The following CDC37L1 variants were observed in gnomAD, a reference collection of about 807,000 sequenced individuals.
The protein encoded by CDC37L1 is cell division cycle 37 like 1, HSP90 cochaperone.
Under a neutral mutation model 45.9 loss-of-function variants are expected in CDC37L1, and 32 were observed. The ratio of observed to expected loss-of-function variants is 0.70; its 90% confidence interval spans 0.53 to 0.94. The LOEUF is 0.94. Among genes scored for constraint, CDC37L1 ranks in the 40% least tolerant of loss-of-function variants. The probability of loss-of-function intolerance (pLI) is 0.00; values close to 1 mark genes in which losing one functional copy is unlikely to be tolerated. For missense variants in CDC37L1, 434 were observed against 405.7 expected, an observed-to-expected ratio of 1.07 and a Z score of -0.60; for synonymous variants, 150 against 133.0, an observed-to-expected ratio of 1.13 and a Z score of -0.88.
intron 1 of CDC37L1, among the ~76,000 whole-genome samples, chr9:4,683,908 A>G (rs1841221600): frequency 6.6e-6 from 1 of 152,256 alleles, no homozygotes; most frequent in Non-Finnish European, 1.5e-5. Context: ...AGTACTTTAC[A>G]TGTAGTAATT....
At chr9:4,685,291 T>G in intron 2 of CDC37L1, 133 bp downstream of exon 2, 1 of 737,176 alleles carries the variant, frequency 1.4e-6, no homozygotes, top group Non-Finnish European at 2.2e-6. Flanking sequence ...TGAAAGGTGC[T>G]TGAAAAGTTT....
intron 6 of CDC37L1, among the ~76,000 whole-genome samples, 187 bp from the exon 7 acceptor site, chr9:4,705,824 C>G (rs531729182): frequency 1.3e-5 from 2 of 152,192 alleles, no homozygotes; most frequent in South Asian, 4.1e-4. Context: ...TGATAGCATC[C>G]TATTTTTTTC....
intron 2 of CDC37L1, among the ~76,000 whole-genome samples, chr9:4,688,058 C>T (rs1485968396): frequency 6.6e-6 from 1 of 152,180 alleles, no homozygotes; most frequent in Non-Finnish European, 1.5e-5. Context: ...AGTGCAGTGG[C>T]ATGATCTCAG....
intron 3 of CDC37L1, among the ~76,000 whole-genome samples, chr9:4,693,299 C>T (rs565332624): frequency 1.3e-5 from 2 of 150,830 alleles, no homozygotes; most frequent in Non-Finnish European, 3.0e-5. Flanking sequence ...AAAAATTCGT[C>T]AGGTGTGGAG....
chr9:4,699,936 G>C (rs569495017), intron 5 of CDC37L1, among the ~76,000 whole-genome samples: 2 of 151,684 alleles, frequency 1.3e-5, no homozygotes, highest in African/African-American at 2.4e-5. Flanking sequence ...AATAATTTCC[G>C]TTTTCTTTTT....
At chr9:4,688,664 C>A (rs1488692195) in intron 3 of CDC37L1, 58 bp downstream of exon 3, 2 of 1,084,440 alleles carry the variant, frequency 1.8e-6, no homozygotes, top group African/African-American at 1.7e-5. Context: ...TGTACATGTG[C>A]AAAAAATGGA....
chr9:4,681,193 A>G (rs922476626), intron 1 of CDC37L1, among the ~76,000 whole-genome samples: 1 of 152,266 alleles, frequency 6.6e-6, no homozygotes, highest in East Asian at 1.9e-4. Context: ...AAGGGTGTCA[A>G]GAATTTCAGT....
rs1479996873 is a variant in CDC37L1 at position 4,706,723 on chromosome 9, T to G, written c.*611T>G. On this transcript the variant is annotated 3_prime_UTR_variant, in exon 7 of 7. Coordinates refer to ENST00000381854, the MANE Select transcript of CDC37L1 (RefSeq NM_017913.4). ...ATACAAATTTGATATATACATTACATTTACCCTCAAATTATTCTCAAAACT... is the reference window on the plus strand; with the variant it reads ...ATACAAATTTGATATATACATTACAGTTACCCTCAAATTATTCTCAAAACT... 6.6e-6 allele frequency: 1 copy of G among 152,434 alleles called. No individual in the cohort carries two copies. The highest frequency in any genetic ancestry group is 1.5e-5 in the Non-Finnish European group (1 of 68,022). The allele number at this position is 152,434 out of a possible 1,614,324, so 9.4% of individuals were successfully genotyped here.
In CDC37L1 at chr9:4,707,082, C is replaced by CTAA. The variant is rs1841450688; in HGVS notation, c.*971_*973dup. On this transcript the variant is annotated 3_prime_UTR_variant, in exon 7 of 7. Coordinates refer to ENST00000381854, the MANE Select transcript of CDC37L1 (RefSeq NM_017913.4). ...TAAAGGCAAGAGAAATCTTGTAGTG[C>CTAA]TAACTGCCTTGAGCTGCCAATTACC... 6.6e-6 allele frequency: 1 copy of CTAA among 151,990 alleles called. No individual in the cohort carries two copies. The highest frequency in any genetic ancestry group is 1.5e-5 in the Non-Finnish European group (1 of 68,000). The allele number at this position is 151,990 out of a possible 1,614,324, so 9.4% of individuals were successfully genotyped here.
At chr9:4,686,819 G>T (rs1418234060) in intron 2 of CDC37L1, among the ~76,000 whole-genome samples, 4 of 152,200 alleles carry the variant, frequency 2.6e-5, no homozygotes, top group Non-Finnish European at 5.9e-5. Flanking sequence ...TTGAGTGCTT[G>T]AAATGTGGCT....
At chr9:4,695,273 C>T (rs934998600) in intron 3 of CDC37L1, among the ~76,000 whole-genome samples, 1 of 152,148 alleles carries the variant, frequency 6.6e-6, no homozygotes, top group African/African-American at 2.4e-5. Context: ...CAGCCTCCAC[C>T]ATCTGGGCTC....
At chr9:4,681,129 A>G (rs1841188932) in intron 1 of CDC37L1, among the ~76,000 whole-genome samples, 1 of 152,246 alleles carries the variant, frequency 6.6e-6, no homozygotes, top group African/African-American at 2.4e-5. Flanking sequence ...TAGGGAGGAA[A>G]GAAGAATGAA....
rs2295971 is a variant in CDC37L1, at chr9:4,696,927, C to T, written c.509-169C>T. Among the ~76,000 whole-genome samples the T allele has an allele frequency of 8.7e-4, 133 of 152,254 alleles. 1 individual carries two copies. In the East Asian group the frequency reaches 0.025, roughly 28 times the overall value. On this transcript the variant is annotated intron_variant, in intron 3 of 6. Coordinates refer to ENST00000381854, the MANE Select transcript of CDC37L1 (RefSeq NM_017913.4). ...TATTGCTTTAAAGAGTACTGTCCCT[C>T]ACTTGCTCTTTTACCATAATCTGTT... is the stretch of plus-strand genomic sequence containing the variant.
rs550849106 is a variant in CDC37L1, at chr9:4,697,296, C to T, written c.624+85C>T. On this transcript the variant is annotated intron_variant, in intron 4 of 6. Transcript: ENST00000381854. Reference sequence around the variant, plus strand: ...TATTGATGTTTTGTTTTGTTTTCTACATTAAGTCCTTTAAAAGAAAGCAGG... The same window carrying T: ...TATTGATGTTTTGTTTTGTTTTCTATATTAAGTCCTTTAAAAGAAAGCAGG... The T allele has an allele frequency of 3.3e-5, 23 of 701,336 alleles. No individual in the cohort carries two copies. In the African/African-American group the frequency reaches 4.1e-4, roughly 12 times the overall value. 43.4% of individuals were successfully genotyped at this position (701,336 alleles called of 1,614,324 possible).
At chr9:4,689,065 T>G (rs1452483114) in intron 3 of CDC37L1, among the ~76,000 whole-genome samples, 3 of 152,150 alleles carry the variant, frequency 2.0e-5, no homozygotes, top group African/African-American at 7.2e-5. Flanking sequence ...TATAAAGAAC[T>G]GAAAAATAGG....
At chr9:4,682,904 A>G (rs2130841998) in intron 1 of CDC37L1, among the ~76,000 whole-genome samples, 1 of 150,642 alleles carries the variant, frequency 6.6e-6, no homozygotes, top group East Asian at 1.9e-4. Context: ...CTATTCTAAG[A>G]TAACTATTCT....
chr9:4,705,734 T>C (rs1841435438), intron 6 of CDC37L1, among the ~76,000 whole-genome samples: 1 of 152,198 alleles, frequency 6.6e-6, no homozygotes. Context: ...TTGCCTTGTA[T>C]GATTAAACAG....
At chr9:4,685,333 G>A in intron 2 of CDC37L1, 175 bp downstream of exon 2, 1 of 562,368 alleles carries the variant, frequency 1.8e-6, no homozygotes, top group Non-Finnish European at 3.2e-6. Context: ...AGCTCTTGCT[G>A]TAGAGCTGCA....
At chr9:4,704,113 A>T (rs987293697) in intron 6 of CDC37L1, among the ~76,000 whole-genome samples, 6 of 152,210 alleles carry the variant, frequency 3.9e-5, no homozygotes, top group East Asian at 3.8e-4. Context: ...TGGAAGAAAA[A>T]TCTTACCATA....
Sources: gnomAD v4.1 joint callset for allele counts (sites outside exome capture counted in the v4.1 genomes callset) on GRCh38, gnomAD v4.1.1 for gene constraint, MANE v1.5 for transcripts, NCBI Gene and HGNC (gene_info 2026-07-23, HGNC 2026-07-21) for gene names.